LRRC49: variants seen among roughly 807,000 people sequenced by gnomAD.
LRRC49 encodes the protein leucine-rich repeat-containing protein 49.
In LRRC49, 50 loss-of-function variants were observed where a neutral mutation model predicts 83.3. The observed-to-expected ratio is 0.60, with a 90% confidence interval of 0.48 to 0.76. The LOEUF (loss-of-function observed/expected upper bound fraction) is 0.76. LRRC49 is among the 30% of genes least tolerant of loss of function. LRRC49 has a pLI of 0.00. For synonymous variants in LRRC49, 286 were observed against 283.3 expected (o/e 1.01, Z -0.10); for missense variants, 704 against 809.1 (o/e 0.87, Z 1.58).
chr15:70,920,266 T>C (rs906229319), intron 7 of LRRC49, among the ~76,000 whole-genome samples: 1 of 152,220 alleles, frequency 6.6e-6, no homozygotes, highest in African/African-American at 2.4e-5. Context: ...GGTCTCATCG[T>C]ACAGATTGGT....
chr15:70,858,373 G>T (rs772262303), intron 1 of LRRC49, among the ~76,000 whole-genome samples: 3 of 152,102 alleles, frequency 2.0e-5, no homozygotes, highest in African/African-American at 7.2e-5. Flanking sequence ...AGGCCGAGGC[G>T]GGCAAATCAC....
At chr15:70,927,219 C>T (rs2035234427) in intron 7 of LRRC49, among the ~76,000 whole-genome samples, 1 of 152,150 alleles carries the variant, frequency 6.6e-6, no homozygotes. Context: ...TTTAGCAATT[C>T]TATGATTCTC....
At position 70,980,176 on chromosome 15, in the gene LRRC49, T is replaced by C; in HGVS notation, c.997T>C (p.Leu333=). 10 of 1,610,878 alleles carry C rather than the reference T, an allele frequency of 6.2e-6. No homozygotes were observed. The highest frequency in any genetic ancestry group is 8.5e-6 in the Non-Finnish European group (10 of 1,178,274). ...GAAGCGGGAAAGTCATAAACAATCT[T>C]TGCTTAAGGTATTTTCTCTGATGTC... The part of the protein sequence containing the change: ...EKKRESHKQS[L]LKEKKRLTIN... Residue 333 remains leucine (L), a synonymous_variant, in exon 10 of 16, where the codon TTG becomes CTG. Coordinates refer to ENST00000260382, the MANE Select transcript of LRRC49 (RefSeq NM_017691.5).
chr15:70,951,212 T>C (rs928809065), intron 8 of LRRC49, among the ~76,000 whole-genome samples: 1 of 152,164 alleles, frequency 6.6e-6, no homozygotes, highest in African/African-American at 2.4e-5. Flanking sequence ...GGATTCATTC[T>C]TTTTATTAGG....
At chr15:70,892,772 G>A (rs1010235040), upstream of LRRC49, 3 of 1,596,216 alleles carry the variant, frequency 1.9e-6, no homozygotes, top group African/African-American at 2.7e-5. Flanking sequence ...ACCGGAAATG[G>A]TCGTTTCCAT....
chr15:70,885,310 A>G (rs925224169), intron 2 of LRRC49, among the ~76,000 whole-genome samples: 2 of 152,208 alleles, frequency 1.3e-5, no homozygotes, highest in Non-Finnish European at 2.9e-5. Flanking sequence ...CAGACGCAAT[A>G]TTTGAACAAA....
intron 2 of LRRC49, chr15:70,881,501 T>C (rs2033263218): frequency 6.6e-6 from 1 of 152,182 alleles, no homozygotes; most frequent in Non-Finnish European, 1.5e-5. Flanking sequence ...AAAATTGATA[T>C]TTATTTTTGT....
chr15:70,971,923 T>G (rs149451316), intron 9 of LRRC49, among the ~76,000 whole-genome samples: 4,400 of 151,970 alleles, frequency 0.029, 215 homozygotes, highest in African/African-American at 0.1. Flanking sequence ...CAATGGGTCT[T>G]GACTCTTTAT....
intron 14 of LRRC49, among the ~76,000 whole-genome samples, chr15:71,018,369 T>C (rs2038892535): frequency 6.6e-6 from 1 of 152,210 alleles, no homozygotes; most frequent in South Asian, 2.1e-4. Flanking sequence ...AGATTAGGAA[T>C]ATATTGAACT....
chr15:71,032,532 T>C (rs918829306), intron 14 of LRRC49, among the ~76,000 whole-genome samples: 6 of 152,142 alleles, frequency 3.9e-5, no homozygotes, highest in Non-Finnish European at 8.8e-5. Flanking sequence ...ATCATCCTGA[T>C]ACCAAAACCT....
intron 2 of LRRC49, among the ~76,000 whole-genome samples, chr15:70,876,375 T>C (rs2033151424): frequency 6.6e-6 from 1 of 152,170 alleles, no homozygotes; most frequent in Non-Finnish European, 1.5e-5. Context: ...ACTACTGTCT[T>C]TACCTTCAGG....
intron 1 of LRRC49, chr15:70,858,678 G>C: frequency 1.7e-6 from 1 of 594,860 alleles, no homozygotes; most frequent in East Asian, 2.7e-5. Context: ...ATCTCCGCCT[G>C]GTTCAGCCCG....
At chr15:70,938,561 G>A (rs2035686289) in intron 8 of LRRC49, among the ~76,000 whole-genome samples, 1 of 152,104 alleles carries the variant, frequency 6.6e-6, no homozygotes, top group Non-Finnish European at 1.5e-5. Flanking sequence ...TATTGGGTCT[G>A]AGGAGGGAAA....
intron 3 of LRRC49, chr15:70,900,243 A>T (rs997769917): frequency 2.1e-5 from 6 of 281,638 alleles, no homozygotes; most frequent in South Asian, 1.0e-4. Context: ...ACCATCTAAC[A>T]AACAGCCTAT....
intron 11 of LRRC49, among the ~76,000 whole-genome samples, chr15:70,988,961 G>A (rs1305372865): frequency 2.0e-5 from 3 of 152,190 alleles, no homozygotes; most frequent in African/African-American, 7.2e-5. Flanking sequence ...GTTGAATATT[G>A]ACCCCCACTC....
At chr15:70,894,086 A>G (rs1017927452) in intron 2 of LRRC49, among the ~76,000 whole-genome samples, 1 of 152,040 alleles carries the variant, frequency 6.6e-6, no homozygotes, top group Non-Finnish European at 1.5e-5. Context: ...TTGTAGAGAC[A>G]GGTTTCACCA....
chr15:70,986,197 G>A (rs1447453658), intron 11 of LRRC49, among the ~76,000 whole-genome samples: 1 of 151,724 alleles, frequency 6.6e-6, no homozygotes, highest in Non-Finnish European at 1.5e-5. Context: ...TGATGGGGAT[G>A]GCATTGAATC....
chr15:70,912,665 TTTTA>T (rs563678548), intron 6 of LRRC49, among the ~76,000 whole-genome samples: 3 of 151,472 alleles, frequency 2.0e-5, no homozygotes, highest in Admixed American at 1.3e-4. Flanking sequence ...TCTATATTTA[TTTTA>T]TTTATTTATT....
upstream of LRRC49, chr15:70,892,057 G>T (rs1357217525): frequency 6.2e-7 from 1 of 1,613,824 alleles, no homozygotes; most frequent in Non-Finnish European, 8.5e-7. Flanking sequence ...AGAAGCGCAG[G>T]TTCTTCTGGA....
Sources: gnomAD v4.1 joint callset for allele counts (sites outside exome capture counted in the v4.1 genomes callset) on GRCh38, gnomAD v4.1.1 for gene constraint, MANE v1.5 for transcripts, NCBI Gene and HGNC (gene_info 2026-07-23, HGNC 2026-07-21) for gene names.